The following AGK variants were observed in gnomAD, a reference collection of about 807,000 sequenced individuals.
The protein encoded by AGK is acylglycerol kinase, mitochondrial.
Under a neutral mutation model 66.4 loss-of-function variants are expected in AGK, and 52 were observed. The ratio of observed to expected loss-of-function variants is 0.78; its 90% CI spans 0.63 to 0.99. The LOEUF (loss-of-function observed/expected upper bound fraction) is 0.99, where lower values mean the gene tolerates loss of function less well. AGK is among the 50% of genes least tolerant of loss of function. The pLI is 0.00. For missense variants in AGK, 451 were observed against 506.6 expected, an observed-to-expected ratio of 0.89 and a Z score of 1.05; for synonymous variants, 182 against 181.1, an observed-to-expected ratio of 1.00 and a Z score of -0.04.
intron 2 of AGK, among the ~76,000 whole-genome samples, chr7:141,585,908 C>T (rs977774959): frequency 4.6e-5 from 7 of 152,148 alleles, no homozygotes; most frequent in Admixed American, 1.3e-4. Context: ...GATATGACTA[C>T]GTTTTGTAGC....
intron 4 of AGK, among the ~76,000 whole-genome samples, chr7:141,597,721 T>G (rs1025985235): frequency 2.6e-5 from 4 of 151,272 alleles, no homozygotes; most frequent in Non-Finnish European, 5.9e-5. Flanking sequence ...AATACAAAAA[T>G]TAGCTGAAAA....
At chr7:141,627,767 C>A (rs1796969356) in intron 9 of AGK, among the ~76,000 whole-genome samples, 1 of 152,150 alleles carries the variant, frequency 6.6e-6, no homozygotes, top group Non-Finnish European at 1.5e-5. Context: ...ACTGTTATTA[C>A]CAAAGGAGGT....
chr7:141,648,806 ATG>A lies in AGK; in HGVS notation c.976-455_976-454del, dbSNP rs1797477868. 6.6e-5 allele frequency among the ~76,000 whole-genome samples: 10 copies of A among 152,318 alleles called. No individual in the cohort carries two copies. The South Asian group carries it at 2.1e-3, about 32-fold the overall frequency. ...AACTCTGGTTGCACACCAAATTTGTATGTAGAGCATTAAAGAAGCACAGGCAC... is the reference window on the plus strand; with the variant it reads ...AACTCTGGTTGCACACCAAATTTGTATAGAGCATTAAAGAAGCACAGGCAC... On this transcript the variant is annotated intron_variant, in intron 13 of 15. Coordinates refer to ENST00000649286, the MANE Select transcript of AGK (RefSeq NM_018238.4).
intron 8 of AGK, among the ~76,000 whole-genome samples, chr7:141,619,943 TC>T (rs1796788749): frequency 6.6e-6 from 1 of 152,198 alleles, no homozygotes. Context: ...AATGCCAATG[TC>T]CATCAACTGA....
At chr7:141,587,229 T>C (rs1005430633) in intron 2 of AGK, among the ~76,000 whole-genome samples, 1 of 152,198 alleles carries the variant, frequency 6.6e-6, no homozygotes, top group Non-Finnish European at 1.5e-5. Flanking sequence ...TGAATATCTG[T>C]TGAGTCTGTC....
chr7:141,580,182 G>A (rs778450200), intron 2 of AGK, among the ~76,000 whole-genome samples: 1 of 151,998 alleles, frequency 6.6e-6, no homozygotes, highest in Admixed American at 6.5e-5. Context: ...TTTAGAGTCA[G>A]TATAAATATT....
At chr7:141,593,267 A>T in intron 3 of AGK, 82 bp downstream of exon 3, 1 of 1,267,182 alleles carries the variant, frequency 7.9e-7, no homozygotes, top group Non-Finnish European at 1.1e-6. Flanking sequence ...GGGGACTTGC[A>T]CAGTGTCTTG....
chr7:141,618,982 A>G (rs550986215), intron 8 of AGK, among the ~76,000 whole-genome samples: 1 of 152,258 alleles, frequency 6.6e-6, no homozygotes, highest in Admixed American at 6.5e-5. Flanking sequence ...ATACATATGG[A>G]TAAATCTAAC....
At chr7:141,554,979 C>T (rs1044998152) in intron 1 of AGK, among the ~76,000 whole-genome samples, 1 of 152,112 alleles carries the variant, frequency 6.6e-6, no homozygotes, top group Non-Finnish European at 1.5e-5. Context: ...CTATTGAGGA[C>T]CTGGTATTTT....
intron 5 of AGK, 114 bp downstream of exon 5, chr7:141,601,394 G>A: frequency 1.3e-6 from 1 of 764,540 alleles, no homozygotes; most frequent in Non-Finnish European, 2.2e-6. Flanking sequence ...AATTAATGTT[G>A]TATCCTGTTC....
At chr7:141,624,543 C>CT (rs1796895197) in intron 9 of AGK, among the ~76,000 whole-genome samples, 1 of 152,066 alleles carries the variant, frequency 6.6e-6, no homozygotes, top group African/African-American at 2.4e-5. Context: ...TCATGGATGA[C>CT]TTTAAGGGGT....
At chr7:141,638,623 G>A (rs1017508931) in intron 11 of AGK, among the ~76,000 whole-genome samples, 7 of 152,098 alleles carry the variant, frequency 4.6e-5, no homozygotes, top group Admixed American at 1.3e-4. Flanking sequence ...GACTAAGGAG[G>A]TAACAGTATT....
intron 2 of AGK, among the ~76,000 whole-genome samples, chr7:141,585,441 GATTA>G (rs1480952073): frequency 1.3e-5 from 2 of 152,176 alleles, no homozygotes; most frequent in East Asian, 1.9e-4. Context: ...GCAATATCAT[GATTA>G]ATTATTCTAG....
chr7:141,651,515 G>A lies in AGK; in HGVS notation c.1047-10G>A. 2 of 1,614,082 alleles carry A rather than the reference G, an allele frequency of 1.2e-6. No individual in the cohort carries two copies. The highest frequency in any genetic ancestry group is 1.7e-6 in the Non-Finnish European group (2 of 1,179,946). On this transcript the variant is annotated splice_polypyrimidine_tract_variant and intron_variant, in intron 14 of 15. Transcript: ENST00000649286. ...ACTGGTCTTAAGCTTGCTTTTTCCT[G>A]TGCTCACAGAAGTCGAAAGGTGAGA...
At chr7:141,592,041 A>T (rs1288787882) in intron 2 of AGK, among the ~76,000 whole-genome samples, 1 of 152,250 alleles carries the variant, frequency 6.6e-6, no homozygotes, top group African/African-American at 2.4e-5. Context: ...ATAAGACAGT[A>T]GCAGAAGAAA....
chr7:141,584,056 T>C (rs1264058694), intron 2 of AGK, among the ~76,000 whole-genome samples: 2 of 152,042 alleles, frequency 1.3e-5, no homozygotes, highest in Non-Finnish European at 2.9e-5. Context: ...CTCGTGTCCA[T>C]GTGAAGAGAC....
At chr7:141,641,206 T>C (rs1360199559) in intron 11 of AGK, 42 bp from the exon 12 acceptor site, 4 of 1,575,198 alleles carry the variant, frequency 2.5e-6, no homozygotes, top group Non-Finnish European at 3.4e-6. Context: ...CAGAGTGGAA[T>C]TGTACATGCA....
rs58292692 is a variant in AGK, at chr7:141,575,654, C to CTTTTTT, written c.102-17468_102-17463dup. On this transcript the variant is annotated intron_variant, in intron 2 of 15. Coordinates refer to ENST00000649286, the MANE Select transcript of AGK (RefSeq NM_018238.4). ...GGGCTTAGATGCCTTTTACAAAGGC[C>CTTTTTT]TTTTTTTTTTTTTTTTTTTTTTTTT... Among the ~76,000 whole-genome samples, 20 of 58,242 alleles carry CTTTTTT rather than the reference C, an allele frequency of 3.4e-4. 1 individual carries two copies. Among genetic ancestry groups the CTTTTTT allele is most frequent in the African/African-American group, 4.9e-4 (7 of 14,404 alleles). 38.2% of individuals were successfully genotyped at this position (58,242 alleles called of 152,430 possible). A position where few individuals can be genotyped will look rare whatever the true frequency, so the allele number is the denominator to read the frequency against.
intron 9 of AGK, among the ~76,000 whole-genome samples, chr7:141,628,453 A>G (rs1353211756): frequency 6.6e-6 from 1 of 152,228 alleles, no homozygotes; most frequent in African/African-American, 2.4e-5. Flanking sequence ...ATTATAGACA[A>G]AGCCTTGTAC....
Sources: allele counts gnomAD v4.1 joint callset (sites outside exome capture counted in the v4.1 genomes callset), GRCh38; gene constraint gnomAD v4.1.1; transcripts MANE v1.5; gene names NCBI Gene and HGNC (gene_info 2026-07-23, HGNC 2026-07-21).